The following RTF1 variants were observed in gnomAD, a reference collection of about 807,000 sequenced individuals.
The protein encoded by RTF1 is RNA polymerase-associated protein RTF1 homolog.
RTF1 carries 10 observed loss-of-function variants against 95.7 expected under a neutral mutation model. The ratio of observed to expected loss-of-function variants is 0.10; its 90% CI spans 0.06 to 0.18. The LOEUF (loss-of-function observed/expected upper bound fraction) is 0.18. Among genes scored for constraint, RTF1 ranks in the 10% least tolerant of loss-of-function variants. The probability of loss-of-function intolerance (pLI) is 1.00; values close to 1 mark genes in which losing one functional copy is unlikely to be tolerated. For missense variants in RTF1, 458 were observed against 875.6 expected (o/e 0.52, Z 6.02); for synonymous variants, 305 against 311.8 (o/e 0.98, Z 0.23).
intron 8 of RTF1, among the ~76,000 whole-genome samples, chr15:41,474,139 A>C (rs2140654863): frequency 6.6e-6 from 1 of 152,222 alleles, no homozygotes; most frequent in African/African-American, 2.4e-5. Context: ...AGCCTCCCAA[A>C]GTGCTGGAAT....
chr15:41,433,620 C>G (rs1399509064), intron 1 of RTF1, among the ~76,000 whole-genome samples: 4 of 151,858 alleles, frequency 2.6e-5, no homozygotes, highest in Non-Finnish European at 5.9e-5. Context: ...TGCACCCAGC[C>G]CAGAAGTCTT....
At chr15:41,433,365 C>T (rs1387655504) in intron 1 of RTF1, among the ~76,000 whole-genome samples, 3 of 152,284 alleles carry the variant, frequency 2.0e-5, no homozygotes, top group East Asian at 1.9e-4. Flanking sequence ...GACAGAGTCT[C>T]ACTCTGTTGC....
At chr15:41,451,368 T>G (rs547235069) in intron 2 of RTF1, among the ~76,000 whole-genome samples, 12 of 152,322 alleles carry the variant, frequency 7.9e-5, no homozygotes, top group African/African-American at 2.6e-4. Flanking sequence ...GAAGGAGATA[T>G]GGTTTAATGT....
At chr15:41,477,045 A>G in intron 12 of RTF1, 120 bp from the exon 13 acceptor site, 1 of 1,248,180 alleles carries the variant, frequency 8.0e-7, no homozygotes, top group East Asian at 2.3e-5. Flanking sequence ...ATTCTTCCAC[A>G]TCTCCTGTCC....
intron 1 of RTF1, among the ~76,000 whole-genome samples, chr15:41,429,446 T>G (rs1416021917): frequency 1.3e-5 from 2 of 151,822 alleles, no homozygotes; most frequent in Non-Finnish European, 2.9e-5. Context: ...CTTTTTTTTT[T>G]TTTCTCTCTC....
At chr15:41,462,422 A>G (rs2050854574) in intron 4 of RTF1, among the ~76,000 whole-genome samples, 1 of 151,946 alleles carries the variant, frequency 6.6e-6, no homozygotes, top group African/African-American at 2.4e-5. Context: ...GTCAAGTCAG[A>G]CTCGCTGGAG....
Position 41,475,763 on chromosome 15 carries a change from G to C in RTF1, c.1426G>C (p.Glu476Gln). The C allele has an allele frequency of 6.2e-7, 1 of 1,610,116 alleles. No individual in the cohort carries two copies. Among genetic ancestry groups the C allele is most frequent in the Non-Finnish European group, 8.5e-7 (1 of 1,177,060 alleles). Residue 476 changes from glutamate to glutamine, a missense_variant, in exon 11 of 18, where the codon GAA (glutamate) becomes CAA (glutamine). Glu to Gln is a conservative substitution (Grantham distance 29). Around this residue, in one of 11 missense-constraint regions of RTF1, gnomAD observed 150 missense variants for 275.7 expected, o/e 0.54. Transcript: ENST00000389629. ...CACTCTAGATGAAATCAATAAAAAG[G>C]AATTATCTATTAAAGAAGCTCTTAA... Reference protein sequence around the residue: ...LPTLDEINKKELSIKEALNYK... With the variant: ...LPTLDEINKKQLSIKEALNYK...
rs926276876 is a variant in RTF1 at position 41,477,151 on chromosome 15, C to A, written c.1561-14C>A. 6.2e-7 allele frequency: 1 copy of A among 1,613,992 alleles called. No homozygotes were observed. The highest frequency in any genetic ancestry group is 8.5e-7 in the Non-Finnish European group (1 of 1,179,974). ...TGTAGCCAAGAACGAACTCACACATCTCTCTATGTGTAGGCCATGGCTGAG... is the reference window on the plus strand; with the variant it reads ...TGTAGCCAAGAACGAACTCACACATATCTCTATGTGTAGGCCATGGCTGAG... On this transcript the variant is annotated splice_polypyrimidine_tract_variant and intron_variant, in intron 12 of 17. Transcript: ENST00000389629.
intron 1 of RTF1, among the ~76,000 whole-genome samples, chr15:41,430,257 A>T (rs1177245048): frequency 1.3e-5 from 2 of 148,638 alleles, no homozygotes; most frequent in Non-Finnish European, 3.0e-5. Context: ...GCTCACTGCA[A>T]CCTCTGGTTC....
intron 4 of RTF1, among the ~76,000 whole-genome samples, chr15:41,459,819 A>C (rs1434954023): frequency 6.6e-6 from 1 of 152,228 alleles, no homozygotes; most frequent in Non-Finnish European, 1.5e-5. Flanking sequence ...GCCATATTTT[A>C]AATGGAAAAG....
chr15:41,468,899 C>G (rs904508582), intron 6 of RTF1, among the ~76,000 whole-genome samples: 1 of 152,086 alleles, frequency 6.6e-6, no homozygotes, highest in Non-Finnish European at 1.5e-5. Context: ...TCCTTGTGAA[C>G]TCATCATTTT....
At chr15:41,443,155 A>G (rs936530380) in intron 2 of RTF1, among the ~76,000 whole-genome samples, 13 of 152,176 alleles carry the variant, frequency 8.5e-5, no homozygotes, top group Admixed American at 7.9e-4. Flanking sequence ...GAGCAAAAAG[A>G]TATTTAGCTA....
chr15:41,417,469 T>C (rs2050577126), intron 1 of RTF1, among the ~76,000 whole-genome samples, 156 bp downstream of exon 1: 1 of 151,850 alleles, frequency 6.6e-6, no homozygotes, highest in Non-Finnish European at 1.5e-5. Flanking sequence ...CTTCCTGGAG[T>C]GTGCGGGGCC....
chr15:41,455,921 C>G (rs1343212106), intron 3 of RTF1, among the ~76,000 whole-genome samples: 12 of 150,852 alleles, frequency 8.0e-5, no homozygotes, highest in Admixed American at 7.3e-4. Context: ...AGAACTTATC[C>G]ATGTAATCAG....
chr15:41,466,364 T>C lies in RTF1; in HGVS notation c.889+112T>C. The C allele has an allele frequency of 4.8e-6, 3 of 627,748 alleles. 1 individual carries two copies. In the South Asian group the frequency reaches 6.9e-5, roughly 15 times the overall value. 38.9% of individuals were successfully genotyped at this position (627,748 alleles called of 1,614,324 possible). The stretch of plus-strand genomic sequence containing the variant: ...CTTTCTCATATAAAATTCCAGCACA[T>C]ACCCAGAATAGTATAAACATCCACA... On this transcript the variant is annotated intron_variant, in intron 6 of 17. Transcript: ENST00000389629.
intron 7 of RTF1, among the ~76,000 whole-genome samples, 176 bp downstream of exon 7, chr15:41,470,568 G>A (rs565936757): frequency 6.6e-6 from 1 of 151,374 alleles, no homozygotes; most frequent in Non-Finnish European, 1.5e-5. Flanking sequence ...TAGCCTGTAC[G>A]CTTAGACATT....
chr15:41,480,630 G>T lies in RTF1; in HGVS notation c.2076G>T (p.Gly692=), dbSNP rs1243299071. 5 of 1,614,190 alleles carry T rather than the reference G, an allele frequency of 3.1e-6. No individual in the cohort carries two copies. The highest frequency in any genetic ancestry group is 4.2e-6 in the Non-Finnish European group (5 of 1,180,034). The part of the protein sequence containing the change: ...ITSKAPPAKD[G]APRRSLNLED... ...CCAAGGCTCCGCCAGCCAAGGATGGGGCTCCAAGGAGATCTCTGAACTTGG... is the reference window on the plus strand; with the variant it reads ...CCAAGGCTCCGCCAGCCAAGGATGGTGCTCCAAGGAGATCTCTGAACTTGG... Residue 692 remains glycine (G), a synonymous_variant, in exon 18 of 18, where the codon GGG becomes GGT. Transcript: ENST00000389629.
At chr15:41,457,227 C>T (rs1472661289) in intron 3 of RTF1, among the ~76,000 whole-genome samples, 2 of 152,112 alleles carry the variant, frequency 1.3e-5, no homozygotes, top group Non-Finnish European at 2.9e-5. Context: ...CAAAGCGAGA[C>T]CCCAATTCTA....
At chr15:41,435,854 A>G (rs2050699051) in intron 1 of RTF1, among the ~76,000 whole-genome samples, 2 of 152,198 alleles carry the variant, frequency 1.3e-5, no homozygotes, top group African/African-American at 2.4e-5. Flanking sequence ...TATTAGCTGT[A>G]TCTTCTCTCT....
Sources: allele counts gnomAD v4.1 joint callset (sites outside exome capture counted in the v4.1 genomes callset), GRCh38; gene constraint gnomAD v4.1.1; regional missense constraint gnomAD v4.1.1; transcripts MANE v1.5; gene names NCBI Gene and HGNC (gene_info 2026-07-23, HGNC 2026-07-21).